ACSL1: variants seen among roughly 807,000 people sequenced by gnomAD.
ACSL1 encodes the protein long-chain-fatty-acid--CoA ligase 1.
ACSL1 carries 41 observed loss-of-function variants against 98.4 expected under a neutral mutation model. That is an observed-to-expected ratio of 0.42 (90% CI 0.32 to 0.54). The LOEUF (loss-of-function observed/expected upper bound fraction) is 0.54. Among genes scored for constraint, ACSL1 ranks in the 20% least tolerant of loss-of-function variants. The pLI is 0.13. For synonymous variants in ACSL1, 316 were observed against 322.7 expected, an observed-to-expected ratio of 0.98 and a Z score of 0.22; for missense variants, 734 against 883.1, an observed-to-expected ratio of 0.83 and a Z score of 2.14.
At chr4:184,787,025 C>T (rs74608952) in intron 3 of ACSL1, among the ~76,000 whole-genome samples, 4,638 of 152,166 alleles carry the variant, frequency 0.03, 128 homozygotes, top group East Asian at 0.16. Flanking sequence ...TTACATGCAA[C>T]CTATCATGAG....
intron 18 of ACSL1, among the ~76,000 whole-genome samples, chr4:184,760,012 T>C (rs1039710559): frequency 6.6e-6 from 1 of 152,226 alleles, no homozygotes; most frequent in African/African-American, 2.4e-5. Context: ...GGGTTTAATA[T>C]GTTTGAAAAT....
In ACSL1 at chr4:184,768,301, C is replaced by T. The variant is rs1465658425; in HGVS notation, c.1128+15G>A. Reference sequence around the variant, plus strand: ...GTCAGTGCTCAGTCCTGGGACTTCGCTGCTTGGAACTTACTCGGTCAAACA... The same window carrying T: ...GTCAGTGCTCAGTCCTGGGACTTCGTTGCTTGGAACTTACTCGGTCAAACA... On this transcript the variant is annotated intron_variant, in intron 12 of 20. Transcript: ENST00000281455. 1 of 1,608,128 alleles carries T rather than the reference C, an allele frequency of 6.2e-7. No homozygotes were observed.
chr4:184,782,883 G>A (rs1766551407), intron 4 of ACSL1, among the ~76,000 whole-genome samples: 1 of 152,218 alleles, frequency 6.6e-6, no homozygotes, highest in South Asian at 2.1e-4. Context: ...ACTACTGCAG[G>A]AGTGTGGCTC....
At chr4:184,785,619 GGGA>G (rs1454690992) in intron 3 of ACSL1, among the ~76,000 whole-genome samples, 10 of 31,954 alleles carry the variant, frequency 3.1e-4, no homozygotes, top group African/African-American at 6.2e-4. Flanking sequence ...GGGGGGGGGG[GGGA>G]AGGAAGCAAA....
At chr4:184,787,728 G>A (rs1767636179) in intron 3 of ACSL1, among the ~76,000 whole-genome samples, 1 of 152,160 alleles carries the variant, frequency 6.6e-6, no homozygotes, top group South Asian at 2.1e-4. Flanking sequence ...GCTGGGCGTG[G>A]TGGTGCATGC....
At chr4:184,759,993 C>G (rs2150260799) in intron 18 of ACSL1, among the ~76,000 whole-genome samples, 1 of 152,306 alleles carries the variant, frequency 6.6e-6, no homozygotes, top group South Asian at 2.1e-4. Context: ...AGCATATCAT[C>G]AATAGGCTGG....
intron 1 of ACSL1, among the ~76,000 whole-genome samples, chr4:184,816,206 A>G (rs1772621073): frequency 6.6e-6 from 1 of 152,110 alleles, no homozygotes; most frequent in African/African-American, 2.4e-5. Context: ...CCTGCAAAAA[A>G]CATGGGACCC....
chr4:184,788,404 C>A (rs1561213714), intron 3 of ACSL1: 1 of 659,846 alleles, frequency 1.5e-6, no homozygotes, highest in Admixed American at 2.1e-5. Context: ...GTGACACTCA[C>A]ATATTTGACC....
At chr4:184,775,730 A>C (rs1765194504) in intron 7 of ACSL1, among the ~76,000 whole-genome samples, 1 of 152,222 alleles carries the variant, frequency 6.6e-6, no homozygotes, top group Non-Finnish European at 1.5e-5. Context: ...ACTACACATA[A>C]AAATTTAAAA....
intron 1 of ACSL1, among the ~76,000 whole-genome samples, chr4:184,813,080 A>C (rs1772284415): frequency 6.6e-6 from 1 of 152,182 alleles, no homozygotes; most frequent in African/African-American, 2.4e-5. Context: ...TTCTCTCTTC[A>C]CACACAGCTG....
At chr4:184,767,619 A>G (rs1359115298) in intron 12 of ACSL1, among the ~76,000 whole-genome samples, 1 of 152,260 alleles carries the variant, frequency 6.6e-6, no homozygotes, top group African/African-American at 2.4e-5. Flanking sequence ...TGAATTACAC[A>G]CTTTAAATCA....
At chr4:184,806,069 A>G (rs1404250210) in intron 1 of ACSL1, among the ~76,000 whole-genome samples, 3 of 152,334 alleles carry the variant, frequency 2.0e-5, no homozygotes, top group African/African-American at 7.2e-5. Context: ...TGCATATCTG[A>G]GCACCTAGTG....
At chr4:184,815,517 C>A (rs541788741) in intron 1 of ACSL1, among the ~76,000 whole-genome samples, 1 of 152,234 alleles carries the variant, frequency 6.6e-6, no homozygotes, top group East Asian at 1.9e-4. Flanking sequence ...AGAGTAAGAC[C>A]CAGTCCTTGT....
chr4:184,812,225 T>C, intron 1 of ACSL1: 3 of 985,410 alleles, frequency 3.0e-6, no homozygotes, highest in Non-Finnish European at 3.6e-6. Context: ...TCCTCCCATC[T>C]GTCTTTATAT....
At chr4:184,788,429 GCCA>G (rs1561213773) in intron 3 of ACSL1, 185 bp downstream of exon 3, 1 of 681,682 alleles carries the variant, frequency 1.5e-6, no homozygotes, top group East Asian at 2.8e-5. Flanking sequence ...AGCCCCCAGG[GCCA>G]CAGGGAACAT....
rs144394394 is a variant in ACSL1, at chr4:184,822,684, A to T, written c.-33+3232T>A. On this transcript the variant is annotated intron_variant, in intron 1 of 20. Coordinates refer to ENST00000281455, the MANE Select transcript of ACSL1 (RefSeq NM_001995.5). ...AGCCCAGGGAGGTGGAGAGGCTGCA[A>T]CGAGCCATGATCATGCCTGTACTCC... Among the ~76,000 whole-genome samples, 952 of 152,202 alleles carry T rather than the reference A, an allele frequency of 6.3e-3. 5 individuals carry two copies. Among genetic ancestry groups the T allele is most frequent in the Non-Finnish European group, 0.01 (696 of 68,006 alleles).
intron 1 of ACSL1, among the ~76,000 whole-genome samples, chr4:184,810,208 T>C (rs1403297990): frequency 6.6e-6 from 1 of 152,216 alleles, no homozygotes; most frequent in Non-Finnish European, 1.5e-5. Flanking sequence ...ATTACCCAGC[T>C]AGCATTACAT....
In ACSL1 at chr4:184,756,209, T is replaced by C. The variant is rs1056896; in HGVS notation, c.*916A>G. 18,732 of 152,662 alleles carry C rather than the reference T, an allele frequency of 0.12. 1,485 individuals carry two copies. The highest frequency in any genetic ancestry group is 0.17 in the Non-Finnish European group (11,567 of 68,014). The allele number at this position is 152,662 out of a possible 1,614,324, so 9.5% of individuals were successfully genotyped here. A position where few individuals can be genotyped will look rare whatever the true frequency, so the allele number is the denominator to read the frequency against. ...TGATATGAAAACCACATTAAAAATC[T>C]GTTGGCCTTTACACAGAGTGAGTGG... On this transcript the variant is annotated 3_prime_UTR_variant, in exon 21 of 21. Transcript: ENST00000281455.
intron 3 of ACSL1, among the ~76,000 whole-genome samples, chr4:184,786,390 C>T (rs1054057015): frequency 2.0e-5 from 3 of 149,418 alleles, no homozygotes; most frequent in African/African-American, 7.4e-5. Flanking sequence ...GAGGACTTAC[C>T]GTATATGTGC....
Sources: gnomAD v4.1 joint callset for allele counts (sites outside exome capture counted in the v4.1 genomes callset) on GRCh38, gnomAD v4.1.1 for gene constraint, MANE v1.5 for transcripts, NCBI Gene and HGNC (gene_info 2026-07-23, HGNC 2026-07-21) for gene names.